The following PTPRU variants were observed in gnomAD, a reference collection of about 807,000 sequenced individuals.
PTPRU encodes receptor-type tyrosine-protein phosphatase U.
A neutral mutation model predicts 166.3 loss-of-function variants in PTPRU; 69 were observed. The ratio of observed to expected loss-of-function variants is 0.41; its 90% CI spans 0.34 to 0.51. The LOEUF is 0.51. PTPRU is among the 20% of genes least tolerant of loss of function. The probability of loss-of-function intolerance (pLI) is 0.09; values close to 1 mark genes in which losing one functional copy is unlikely to be tolerated. For missense variants in PTPRU, 1,657 were observed against 2,013.7 expected (o/e 0.82, Z 3.39); for synonymous variants, 793 against 814.0 (o/e 0.97, Z 0.44).
intron 18 of PTPRU, 51 bp downstream of exon 18, chr1:29,305,479 G>A: frequency 2.6e-6 from 4 of 1,561,716 alleles, no homozygotes; most frequent in Non-Finnish European, 3.5e-6. Context: ...CCCGCTCCAG[G>A]CTTACTATCC....
In PTPRU at chr1:29,305,503, A is replaced by T. The variant is rs1687350468; in HGVS notation, c.2820+75A>T. 10 of 1,445,648 alleles carry T rather than the reference A, an allele frequency of 6.9e-6. No individual in the cohort carries two copies. The South Asian group carries it at 1.1e-4, about 17-fold the overall frequency. The allele number at this position is 1,445,648 out of a possible 1,614,324, so 89.6% of individuals were successfully genotyped here. Reference sequence around the variant, plus strand: ...GGCTTACTATCCAGGCAGGGCAGAAACCTGTCGGGATAAATGGGGGTTCAA... The same window carrying T: ...GGCTTACTATCCAGGCAGGGCAGAATCCTGTCGGGATAAATGGGGGTTCAA... On this transcript the variant is annotated intron_variant, in intron 18 of 29. Coordinates refer to ENST00000373779, the MANE Select transcript of PTPRU (RefSeq NM_133178.4).
Position 29,311,374 on chromosome 1 carries a change from G to A in PTPRU, c.2858-82G>A. ...CTCAGGAGGCCTCCTGGCCTGGGGT[G>A]TGGTGCTGGATGGTGCTGGATGTGC... On this transcript the variant is annotated intron_variant, in intron 19 of 29. Coordinates refer to ENST00000373779, the MANE Select transcript of PTPRU (RefSeq NM_133178.4). This position sits in a 1 kb window ranked among gnomAD's most constrained non-coding sequence, Gnocchi z 4.1. 7.2e-7 allele frequency: 1 copy of A among 1,383,270 alleles called. No individual in the cohort carries two copies. The highest frequency in any genetic ancestry group is 1.2e-5 in the South Asian group (1 of 83,452). The allele number at this position is 1,383,270 out of a possible 1,614,324, so 85.7% of individuals were successfully genotyped here. A position where few individuals can be genotyped will look rare whatever the true frequency, so the allele number is the denominator to read the frequency against.
In PTPRU at chr1:29,260,109, G is replaced by A; in HGVS notation, c.850+65G>A. The A allele has an allele frequency of 7.5e-7, 1 of 1,339,898 alleles. No homozygotes were observed. Among genetic ancestry groups the A allele is most frequent in the Non-Finnish European group, 9.5e-7 (1 of 1,048,054 alleles). 83.0% of individuals were successfully genotyped at this position (1,339,898 alleles called of 1,614,324 possible). ...TCGAGGGGCGGGGCCGGCGACGGGG[G>A]CGGGCTCTGCCCGGGGGCGTGGCCG... On this transcript the variant is annotated intron_variant, in intron 6 of 29. Transcript: ENST00000373779. The surrounding 1 kb of genome is among the most constrained non-coding windows in gnomAD (Gnocchi z 8.3).
rs141357145 is a variant in PTPRU at position 29,304,316 on chromosome 1, T to C, written c.2667+271T>C. 1.1e-3 allele frequency among the ~76,000 whole-genome samples: 171 copies of C among 152,274 alleles called. 1 individual carries two copies. The highest frequency in any genetic ancestry group is 3.4e-3 in the Middle Eastern group (1 of 294). ...GACTGTGATCGGGATCCTTATTCTG[T>C]CCCTAAACTGAATCTGCCCACTGAC... is the stretch of plus-strand genomic sequence containing the variant. On this transcript the variant is annotated intron_variant, in intron 16 of 29. Transcript: ENST00000373779.
Position 29,280,290 on chromosome 1 carries a change from T to A in PTPRU, c.1868+149T>A. 1 of 793,582 alleles carries A rather than the reference T, an allele frequency of 1.3e-6. No homozygotes were observed. Among genetic ancestry groups the A allele is most frequent in the Non-Finnish European group, 2.0e-6 (1 of 509,832 alleles). 49.2% of individuals were successfully genotyped at this position (793,582 alleles called of 1,614,324 possible). A position where few individuals can be genotyped will look rare whatever the true frequency, so the allele number is the denominator to read the frequency against. On this transcript the variant is annotated intron_variant, in intron 11 of 29. Coordinates refer to ENST00000373779, the MANE Select transcript of PTPRU (RefSeq NM_133178.4). The surrounding 1 kb of genome is among the most constrained non-coding windows in gnomAD (Gnocchi z 4.2). Reference sequence around the variant, plus strand: ...GGAGTGTCTGGAGGAGATTGTTCTGTGATGCTTGGCAGGCAAGAAGCCTGC... The same window carrying A: ...GGAGTGTCTGGAGGAGATTGTTCTGAGATGCTTGGCAGGCAAGAAGCCTGC...
intron 1 of PTPRU, among the ~76,000 whole-genome samples, chr1:29,245,770 TG>T (rs1684269589): frequency 6.6e-6 from 1 of 152,194 alleles, no homozygotes; most frequent in South Asian, 2.1e-4. Context: ...TGAATTCTCC[TG>T]GGTTTCTGGG....
Position 29,237,093 on chromosome 1 carries a change from A to G in PTPRU, c.73+376A>G, listed in dbSNP as rs1304390616. Among the ~76,000 whole-genome samples, 1 of 151,750 alleles carries G rather than the reference A, an allele frequency of 6.6e-6. No homozygotes were observed. Among genetic ancestry groups the G allele is most frequent in the African/African-American group, 2.4e-5 (1 of 41,260 alleles). ...GGAGTTGTATCTGCTAATGTGTTGC[A>G]TTTGTTTGCATTTTGTATGCCTGGC... On this transcript the variant is annotated intron_variant, in intron 1 of 29. Coordinates refer to ENST00000373779, the MANE Select transcript of PTPRU (RefSeq NM_133178.4). This position sits in a 1 kb window ranked among gnomAD's most constrained non-coding sequence, Gnocchi z 6.4.
At chr1:29,242,333 A>G (rs1684096540) in intron 1 of PTPRU, among the ~76,000 whole-genome samples, 1 of 152,112 alleles carries the variant, frequency 6.6e-6, no homozygotes, top group South Asian at 2.1e-4. Flanking sequence ...AACCTCTGGT[A>G]GCCCCTTCCC....
At chr1:29,272,906 C>CAAAAAAAAAAAAAAAAAA (rs57076551) in intron 7 of PTPRU, among the ~76,000 whole-genome samples, 1 of 54,666 alleles carries the variant, frequency 1.8e-5, no homozygotes. Flanking sequence ...GACCTTGTCT[C>CAAAAAAAAAAAAAAAAAA]AAAAAAAAAA....
At position 29,260,248 on chromosome 1, in the gene PTPRU, G is replaced by T; in HGVS notation, c.850+204G>T. The T allele has an allele frequency of 1.7e-6, 1 of 586,800 alleles. No homozygotes were observed. The highest frequency in any genetic ancestry group is 3.6e-5 in the South Asian group (1 of 27,454). The allele number at this position is 586,800 out of a possible 1,614,324, so 36.3% of individuals were successfully genotyped here. A position where few individuals can be genotyped will look rare whatever the true frequency, so the allele number is the denominator to read the frequency against. ...ATCTAGGGGTCGGGGCTGGCTTCGA[G>T]GGGGACGGACAGGGTCAAGGTGAGA... On this transcript the variant is annotated intron_variant, in intron 6 of 29. Coordinates refer to ENST00000373779, the MANE Select transcript of PTPRU (RefSeq NM_133178.4). This position sits in a 1 kb window ranked among gnomAD's most constrained non-coding sequence, Gnocchi z 8.3.
Position 29,311,444 on chromosome 1 carries a change from C to A in PTPRU, c.2858-12C>A, listed in dbSNP as rs370997754. ...TGTCTCAGGGACAGGCACCCTCTGC[C>A]TGCATCCCCAGGGCCGAAGCCTGAG... On this transcript the variant is annotated splice_polypyrimidine_tract_variant and intron_variant, in intron 19 of 29. Coordinates refer to ENST00000373779, the MANE Select transcript of PTPRU (RefSeq NM_133178.4). This position sits in a 1 kb window ranked among gnomAD's most constrained non-coding sequence, Gnocchi z 4.1. 4 of 1,613,672 alleles carry A rather than the reference C, an allele frequency of 2.5e-6. No individual in the cohort carries two copies. Among genetic ancestry groups the A allele is most frequent in the Non-Finnish European group, 3.4e-6 (4 of 1,179,890 alleles).
At position 29,255,380 on chromosome 1, in the gene PTPRU, C is replaced by G; in HGVS notation, c.179C>G (p.Thr60Ser). The G allele has an allele frequency of 1.2e-6, 2 of 1,614,164 alleles. No homozygotes were observed. The highest frequency in any genetic ancestry group is 1.7e-6 in the Non-Finnish European group (2 of 1,180,014). The part of the protein sequence containing the change: ...QWEQVRIHPG[T>S]RAPADLPHGS... ...GAGCAAGTGCGAATCCACCCTGGCACCCGGGCACCTGCGGACCTGCCCCAC... is the reference window on the plus strand; with the variant it reads ...GAGCAAGTGCGAATCCACCCTGGCAGCCGGGCACCTGCGGACCTGCCCCAC... The change falls in exon 2 of 30, where the codon ACC becomes AGC. Residue 60 changes from threonine (T) to serine (S), a missense_variant. By Grantham distance (58) the Thr-to-Ser change is moderately conservative (BLOSUM62 1). Transcript: ENST00000373779.
In PTPRU at chr1:29,272,906, C is replaced by CAAAA. The variant is rs57076551; in HGVS notation, c.1145-2524_1145-2521dup. Among the ~76,000 whole-genome samples, 110 of 54,556 alleles carry CAAAA rather than the reference C, an allele frequency of 2.0e-3. 2 individuals are homozygous for CAAAA. Among genetic ancestry groups the CAAAA allele is most frequent in the African/African-American group, 4.9e-3 (72 of 14,678 alleles). The allele number at this position is 54,556 out of a possible 152,430, so 35.8% of individuals were successfully genotyped here. On this transcript the variant is annotated intron_variant, in intron 7 of 29. Transcript: ENST00000373779. Reference sequence around the variant, plus strand: ...TGGATGACAGAGCAAGACCTTGTCTCAAAAAAAAAAAAAAAAAAAAAGAAA... The same window carrying CAAAA: ...TGGATGACAGAGCAAGACCTTGTCTCAAAAAAAAAAAAAAAAAAAAAAAAAGAAA...
At chr1:29,284,056 C>CTACG in intron 13 of PTPRU, 80 bp downstream of exon 13, 1 of 1,561,332 alleles carries the variant, frequency 6.4e-7, no homozygotes, top group Non-Finnish European at 8.8e-7. Flanking sequence ...TCCTGAGGAC[C>CTACG]TACGGCTGTG....
intron 11 of PTPRU, among the ~76,000 whole-genome samples, chr1:29,281,200 C>T (rs1686069539): frequency 6.6e-6 from 1 of 152,158 alleles, no homozygotes; most frequent in South Asian, 2.1e-4. Flanking sequence ...CACCTCCTCA[C>T]TCCCCACTGT....
chr1:29,251,285 C>T (rs999758533), intron 1 of PTPRU, among the ~76,000 whole-genome samples: 2 of 151,906 alleles, frequency 1.3e-5, no homozygotes, highest in African/African-American at 4.8e-5. Context: ...ACTCTGGATG[C>T]GGTCAGTCAG....
chr1:29,304,823 G>A lies in PTPRU; in HGVS notation c.2717G>A (p.Gly906Asp). ...ACAAAGAAGAAAGACAAGGTCAAGG[G>A]CAGCCGGCAGGAGCCAATGCCTGCC... The part of the protein sequence containing the change: ...DATKKKDKVK[G>D]SRQEPMPAYD... Residue 906 changes from glycine (G) to aspartate (D), a missense_variant, in exon 17 of 30, where the codon GGC becomes GAC. Transcript: ENST00000373779. 1 of 1,612,332 alleles carries A rather than the reference G, an allele frequency of 6.2e-7. No homozygotes were observed. Among genetic ancestry groups the A allele is most frequent in the Non-Finnish European group, 8.5e-7 (1 of 1,178,658 alleles).
intron 15 of PTPRU, among the ~76,000 whole-genome samples, chr1:29,303,602 G>C (rs982067320): frequency 6.6e-6 from 1 of 152,196 alleles, no homozygotes; most frequent in Admixed American, 6.5e-5. Flanking sequence ...ATCTAGCCAG[G>C]CAGGGCCGCA....
At chr1:29,243,829 G>A (rs903941205) in intron 1 of PTPRU, among the ~76,000 whole-genome samples, 3 of 152,208 alleles carry the variant, frequency 2.0e-5, no homozygotes, top group Admixed American at 2.0e-4. Context: ...GGTGAATGCA[G>A]GAGCTGGGGT....
Sources: gnomAD v4.1 joint callset for allele counts (sites outside exome capture counted in the v4.1 genomes callset) on GRCh38, gnomAD v4.1.1 for gene constraint, Gnocchi (gnomAD v3.1) non-coding constraint, MANE v1.5 for transcripts, NCBI Gene and HGNC (gene_info 2026-07-23, HGNC 2026-07-21) for gene names.